Variants in RNF38 observed in about 807,000 individuals in gnomAD.
The protein encoded by RNF38 is E3 ubiquitin-protein ligase RNF38.
RNF38 carries 15 observed loss-of-function variants against 67.2 expected under a neutral mutation model. The observed-to-expected ratio is 0.22, with a 90% confidence interval of 0.15 to 0.34. The LOEUF (loss-of-function observed/expected upper bound fraction) is 0.34. Ranked by LOEUF, RNF38 falls within the 10% of genes least tolerant of loss-of-function variation. RNF38 has a pLI of 1.00. For missense variants in RNF38, 524 were observed against 639.9 expected, an observed-to-expected ratio of 0.82 and a Z score of 1.95; for synonymous variants, 220 against 218.8, an observed-to-expected ratio of 1.01 and a Z score of -0.05.
intron 1 of RNF38, among the ~76,000 whole-genome samples, chr9:36,393,477 T>TTGTGTGTGTGTGTGTGTGTGTGTG (rs58913703): frequency 1.6e-4 from 14 of 87,794 alleles, no homozygotes; most frequent in Non-Finnish European, 3.0e-4. Context: ...CACACACACA[T>TTGTGTGTGTGTGTGTGTGTGTGTG]TGTGTGTGTG....
chr9:36,402,895 C>T (rs1391663513), upstream of RNF38, among the ~76,000 whole-genome samples: 1 of 152,100 alleles, frequency 6.6e-6, no homozygotes, highest in Non-Finnish European at 1.5e-5. Context: ...CTCTGTCGCC[C>T]AGGCTGGAGT....
chr9:36,416,560 C>T (rs999084805), intron 2 of RNF38, among the ~76,000 whole-genome samples: 1 of 151,980 alleles, frequency 6.6e-6, no homozygotes, highest in African/African-American at 2.4e-5. Flanking sequence ...AAATATTGCC[C>T]AGGAAAATTT....
intron 1 of RNF38, among the ~76,000 whole-genome samples, chr9:36,399,477 T>C (rs1476976457): frequency 3.1e-5 from 3 of 95,396 alleles, no homozygotes; most frequent in African/African-American, 1.2e-4. Context: ...AAATATACCA[T>C]ATTATAAATA....
intron 1 of RNF38, among the ~76,000 whole-genome samples, chr9:36,392,603 TA>T (rs962921077): frequency 1.3e-5 from 2 of 151,934 alleles, no homozygotes; most frequent in Admixed American, 1.3e-4. Context: ...AAATAAAAAT[TA>T]AAAAAATTAA....
intron 1 of RNF38, among the ~76,000 whole-genome samples, chr9:36,486,716 C>G (rs1226937097): frequency 6.6e-6 from 1 of 152,128 alleles, no homozygotes; most frequent in Non-Finnish European, 1.5e-5. Context: ...GAGAGCACAC[C>G]CCGCACAGAA....
At chr9:36,380,249 G>A (rs1035145995) in intron 2 of RNF38, among the ~76,000 whole-genome samples, 3 of 152,224 alleles carry the variant, frequency 2.0e-5, no homozygotes, top group African/African-American at 7.2e-5. Context: ...TGCCCAGGTA[G>A]AGTGCAATGG....
chr9:36,361,322 T>C (rs1239339718), intron 4 of RNF38, among the ~76,000 whole-genome samples: 4 of 151,806 alleles, frequency 2.6e-5, no homozygotes, highest in Non-Finnish European at 5.9e-5. Context: ...CAGCTAATTT[T>C]TTCTGTATTT....
intron 6 of RNF38, among the ~76,000 whole-genome samples, chr9:36,355,110 C>CCT (rs1834001694): frequency 6.6e-6 from 1 of 152,224 alleles, no homozygotes; most frequent in Non-Finnish European, 1.5e-5. Context: ...AGCAATTCTA[C>CCT]CTCTTCTGAT....
chr9:36,373,982 C>T lies in RNF38; in HGVS notation c.356+1952G>A, dbSNP rs551155300. On this transcript the variant is annotated intron_variant, in intron 3 of 11. Coordinates refer to ENST00000259605, the MANE Select transcript of RNF38 (RefSeq NM_022781.5). ...CTGGGATTACAGGTGCGAGCCACTG[C>T]GCCCGGCCTGCCTTTTAACTGTACA... 5.9e-5 allele frequency among the ~76,000 whole-genome samples: 9 copies of T among 152,248 alleles called. No homozygotes were observed. The East Asian group carries it at 7.7e-4, about 13-fold the overall frequency.
intron 1 of RNF38, among the ~76,000 whole-genome samples, chr9:36,455,745 G>A (rs1214647171): frequency 6.6e-6 from 1 of 151,768 alleles, no homozygotes; most frequent in African/African-American, 2.4e-5. Flanking sequence ...CCAAGATGGT[G>A]AAACCCCGTC....
intron 1 of RNF38, among the ~76,000 whole-genome samples, chr9:36,445,539 G>A (rs960770249): frequency 2.7e-4 from 41 of 152,148 alleles, no homozygotes; most frequent in Admixed American, 2.1e-3. Flanking sequence ...GAACCCATAC[G>A]GGTATAGAGA....
intron 1 of RNF38, among the ~76,000 whole-genome samples, chr9:36,478,817 C>CAA (rs58286962): frequency 4.7e-5 from 5 of 106,076 alleles, no homozygotes; most frequent in South Asian, 3.1e-4. Flanking sequence ...AACGCTGTCT[C>CAA]AAAAAAAAAA....
intron 1 of RNF38, among the ~76,000 whole-genome samples, chr9:36,470,501 T>C (rs1168735258): frequency 6.6e-6 from 1 of 152,176 alleles, no homozygotes; most frequent in African/African-American, 2.4e-5. Context: ...GAGTATGTTG[T>C]GTGTGTGACA....
intron 4 of RNF38, among the ~76,000 whole-genome samples, chr9:36,364,580 C>CAGAA (rs1834806247): frequency 6.6e-6 from 1 of 152,178 alleles, no homozygotes; most frequent in South Asian, 2.1e-4. Flanking sequence ...AATGTGTTGG[C>CAGAA]TTCTAGATTT....
chr9:36,373,864 T>A (rs935517405), intron 3 of RNF38, among the ~76,000 whole-genome samples: 1 of 152,060 alleles, frequency 6.6e-6, no homozygotes, highest in African/African-American at 2.4e-5. Flanking sequence ...GCTAATTTTG[T>A]ATTTTTGGTA....
At chr9:36,400,939 G>A (rs1366405038), upstream of RNF38, 38 of 927,010 alleles carry the variant, frequency 4.1e-5, no homozygotes, top group African/African-American at 6.6e-5. Context: ...GCCTCACCCC[G>A]CCTCGGCGAT....
intron 8 of RNF38, among the ~76,000 whole-genome samples, chr9:36,352,319 A>AC (rs1206978479): frequency 1.3e-5 from 2 of 152,006 alleles, no homozygotes; most frequent in African/African-American, 2.4e-5. Flanking sequence ...TAAAAAAAAA[A>AC]AACAACAAAC....
chr9:36,433,914 T>C (rs1209142423), intron 1 of RNF38, among the ~76,000 whole-genome samples: 1 of 151,740 alleles, frequency 6.6e-6, no homozygotes, highest in Non-Finnish European at 1.5e-5. Context: ...AAACGAGTAA[T>C]TTGGCAGTTA....
chr9:36,449,743 A>C (rs976081702), intron 1 of RNF38, among the ~76,000 whole-genome samples: 1 of 152,122 alleles, frequency 6.6e-6, no homozygotes, highest in Non-Finnish European at 1.5e-5. Context: ...CCTAGACCTT[A>C]TCTCGTAAAC....
Sources: allele counts gnomAD v4.1 joint callset (sites outside exome capture counted in the v4.1 genomes callset), GRCh38; gene constraint gnomAD v4.1.1; transcripts MANE v1.5; gene names NCBI Gene and HGNC (gene_info 2026-07-23, HGNC 2026-07-21).